The following EPHA4 variants were observed in gnomAD, a reference collection of about 807,000 sequenced individuals.
EPHA4 encodes the protein ephrin type-A receptor 4.
EPHA4 carries 19 observed loss-of-function variants against 108.3 expected under a neutral mutation model. That is an observed-to-expected ratio of 0.18 (90% CI 0.12 to 0.26). The LOEUF (loss-of-function observed/expected upper bound fraction) is 0.26. EPHA4 is among the 10% of genes least tolerant of loss of function. The pLI, the probability that EPHA4 is intolerant of heterozygous loss-of-function variation, is 1.00. For synonymous variants in EPHA4, 449 were observed against 455.5 expected, an observed-to-expected ratio of 0.99 and a Z score of 0.18; for missense variants, 917 against 1,254.0, an observed-to-expected ratio of 0.73 and a Z score of 4.06.
In EPHA4 at chr2:221,478,965, G is replaced by T. The variant is rs112549289; in HGVS notation, c.1318+3387C>A. On this transcript the variant is annotated intron_variant, in intron 5 of 17. Coordinates refer to ENST00000281821, the MANE Select transcript of EPHA4 (RefSeq NM_004438.5). ...AACTGGTTTTCAACCCAGAAGGGGAGCAAAAGGGTGTTTATTAACCCCCTA... is the reference window on the plus strand; with the variant it reads ...AACTGGTTTTCAACCCAGAAGGGGATCAAAAGGGTGTTTATTAACCCCCTA... Among the ~76,000 whole-genome samples the T allele has an allele frequency of 2.2e-4, 34 of 152,326 alleles. 2 individuals carry two copies. Among genetic ancestry groups the T allele is most frequent in the African/African-American group, 7.7e-4 (32 of 41,572 alleles).
chr2:221,519,264 G>A (rs944669583), intron 3 of EPHA4, among the ~76,000 whole-genome samples: 1 of 152,042 alleles, frequency 6.6e-6, no homozygotes, highest in Non-Finnish European at 1.5e-5. Context: ...ACAAAACATC[G>A]TCTATAGGAA....
chr2:221,438,656 G>C (rs558394999), intron 11 of EPHA4, among the ~76,000 whole-genome samples: 2 of 151,904 alleles, frequency 1.3e-5, no homozygotes, highest in Non-Finnish European at 2.9e-5. Context: ...GGTGCAGTAC[G>C]CACTTGCAGT....
intron 3 of EPHA4, among the ~76,000 whole-genome samples, chr2:221,549,260 C>T (rs1351660914): frequency 6.6e-6 from 1 of 152,166 alleles, no homozygotes; most frequent in Non-Finnish European, 1.5e-5. Context: ...CTTCATCCTG[C>T]CTGCTGTGGC....
intron 3 of EPHA4, among the ~76,000 whole-genome samples, chr2:221,539,569 T>TAGTGATTAGTG (rs1466750705): frequency 6.6e-6 from 1 of 152,160 alleles, no homozygotes; most frequent in Non-Finnish European, 1.5e-5. Flanking sequence ...GCAGCTAGAT[T>TAGTGATTAGTG]CTTAGAATAG....
At chr2:221,527,293 C>T (rs753965378) in intron 3 of EPHA4, among the ~76,000 whole-genome samples, 1 of 152,102 alleles carries the variant, frequency 6.6e-6, no homozygotes, top group Non-Finnish European at 1.5e-5. Flanking sequence ...ATGACAAGTG[C>T]CTCTGATTAA....
At chr2:221,525,480 T>C (rs1693296245) in intron 3 of EPHA4, among the ~76,000 whole-genome samples, 1 of 152,196 alleles carries the variant, frequency 6.6e-6, no homozygotes, top group Non-Finnish European at 1.5e-5. Flanking sequence ...GGATGCTCAC[T>C]GTCACGCCTT....
upstream of EPHA4, chr2:221,572,859 C>T (rs959397215): frequency 1.3e-5 from 2 of 152,420 alleles, no homozygotes; most frequent in Non-Finnish European, 2.9e-5. Context: ...CTCTGAAATA[C>T]TCTTTGCGGG....
At chr2:221,542,652 T>G (rs1559286630) in intron 3 of EPHA4, among the ~76,000 whole-genome samples, 1 of 152,194 alleles carries the variant, frequency 6.6e-6, no homozygotes, top group African/African-American at 2.4e-5. Flanking sequence ...AATGCCTTTT[T>G]GAAAGGGAGT....
At chr2:221,543,302 T>A (rs1693892801) in intron 3 of EPHA4, among the ~76,000 whole-genome samples, 1 of 152,170 alleles carries the variant, frequency 6.6e-6, no homozygotes, top group Non-Finnish European at 1.5e-5. Flanking sequence ...AAAAATAATG[T>A]TATGAAGTTA....
At chr2:221,509,227 C>A (rs181701217) in intron 3 of EPHA4, among the ~76,000 whole-genome samples, 2,110 of 152,272 alleles carry the variant, frequency 0.014, 50 homozygotes, top group African/African-American at 0.047. Flanking sequence ...ATTCAGGAGG[C>A]TGAGGTAGGA....
At chr2:221,443,261 C>A (rs1690486326) in intron 10 of EPHA4, among the ~76,000 whole-genome samples, 1 of 152,028 alleles carries the variant, frequency 6.6e-6, no homozygotes. Context: ...CAGAGTAAAT[C>A]TTTTGAATGC....
chr2:221,506,852 A>T (rs10208762), intron 3 of EPHA4, among the ~76,000 whole-genome samples: 2,042 of 152,190 alleles, frequency 0.013, 36 homozygotes, highest in African/African-American at 0.039. Context: ...TTTTACAATT[A>T]TTTTTTTAGT....
intron 3 of EPHA4, among the ~76,000 whole-genome samples, chr2:221,510,597 T>C (rs1692798784): frequency 6.6e-6 from 1 of 152,212 alleles, no homozygotes; most frequent in Non-Finnish European, 1.5e-5. Context: ...CATAAATAGG[T>C]GAGTAATTCT....
At chr2:221,465,567 C>A (rs1269707197) in intron 5 of EPHA4, among the ~76,000 whole-genome samples, 2 of 152,176 alleles carry the variant, frequency 1.3e-5, no homozygotes, top group East Asian at 1.9e-4. Flanking sequence ...CCAAAGACTA[C>A]CTTCCTAGAT....
intron 1 of EPHA4, 56 bp from the exon 2 acceptor site, chr2:221,568,841 C>A (rs1405123685): frequency 6.7e-7 from 1 of 1,490,324 alleles, no homozygotes; most frequent in Non-Finnish European, 9.2e-7. Context: ...GCCAATAACA[C>A]AAAAACCATT....
chr2:221,508,637 T>C (rs1692709508), intron 3 of EPHA4, among the ~76,000 whole-genome samples: 1 of 149,798 alleles, frequency 6.7e-6, no homozygotes, highest in South Asian at 2.1e-4. Flanking sequence ...ATGTTTGAAA[T>C]ATAAAATTTA....
At chr2:221,423,751 T>C (rs913091125) in intron 17 of EPHA4, among the ~76,000 whole-genome samples, 6 of 148,100 alleles carry the variant, frequency 4.1e-5, no homozygotes, top group African/African-American at 1.3e-4. Flanking sequence ...TCTTAAGTTG[T>C]AGACTTTAAG....
intron 15 of EPHA4, among the ~76,000 whole-genome samples, chr2:221,427,974 T>G (rs1443109676): frequency 6.6e-6 from 1 of 152,220 alleles, no homozygotes; most frequent in Non-Finnish European, 1.5e-5. Flanking sequence ...TATTTCAATA[T>G]AAGTTTGATT....
Position 221,572,150 on chromosome 2 carries a change from G to T in EPHA4, c.91+8C>A. On this transcript the variant is annotated splice_region_variant and intron_variant, in intron 1 of 17. Coordinates refer to ENST00000281821, the MANE Select transcript of EPHA4 (RefSeq NM_004438.5). Reference sequence around the variant, plus strand: ...TCCCCGACCACAGAAAGGCCGTCCCGCTCTTACCTTCATTCGCGGGGTATA... The same window carrying T: ...TCCCCGACCACAGAAAGGCCGTCCCTCTCTTACCTTCATTCGCGGGGTATA... The T allele has an allele frequency of 6.2e-7, 1 of 1,612,510 alleles. No homozygotes were observed. The highest frequency in any genetic ancestry group is 8.5e-7 in the Non-Finnish European group (1 of 1,178,692).
Sources: gnomAD v4.1 joint callset for allele counts (sites outside exome capture counted in the v4.1 genomes callset) on GRCh38, gnomAD v4.1.1 for gene constraint, MANE v1.5 for transcripts, NCBI Gene and HGNC (gene_info 2026-07-23, HGNC 2026-07-21) for gene names.